The following PRKCA variants were observed in gnomAD, a reference collection of about 807,000 sequenced individuals.
PRKCA encodes the protein protein kinase C alpha.
A neutral mutation model predicts 87.0 loss-of-function variants in PRKCA; 27 were observed. The observed-to-expected ratio is 0.31, with a 90% CI of 0.23 to 0.43. The LOEUF is 0.43. Among genes scored for constraint, PRKCA ranks in the 20% least tolerant of loss-of-function variants. The pLI, the probability that PRKCA is intolerant of heterozygous loss-of-function variation, is 1.00. For synonymous variants in PRKCA, 329 were observed against 311.1 expected (o/e 1.06, Z -0.61); for missense variants, 518 against 852.3 (o/e 0.61, Z 4.88).
At chr17:66,488,956 C>A (rs1268221427) in intron 2 of PRKCA, among the ~76,000 whole-genome samples, 1 of 152,158 alleles carries the variant, frequency 6.6e-6, no homozygotes. Flanking sequence ...ACTTTCCCTA[C>A]AAAGCTGAAA....
intron 2 of PRKCA, among the ~76,000 whole-genome samples, chr17:66,454,701 C>T (rs562799477): frequency 1.1e-4 from 16 of 152,298 alleles, no homozygotes; most frequent in African/African-American, 3.4e-4. Context: ...TTCACTACTA[C>T]GAGAACAGTC....
intron 2 of PRKCA, among the ~76,000 whole-genome samples, chr17:66,342,437 AAATAAATAATAATAAT>A (rs923137556): frequency 1.8e-5 from 2 of 109,898 alleles, no homozygotes; most frequent in African/African-American, 3.6e-5. Context: ...AAATAAAATA[AAATAAATAATAATAAT>A]AATAATAATA....
intron 3 of PRKCA, among the ~76,000 whole-genome samples, chr17:66,567,916 A>G (rs967380831): frequency 6.6e-6 from 1 of 152,258 alleles, no homozygotes; most frequent in Non-Finnish European, 1.5e-5. Flanking sequence ...GGGAAGAGAG[A>G]TAATGTACAA....
At chr17:66,582,883 C>T (rs1033973668) in intron 3 of PRKCA, among the ~76,000 whole-genome samples, 12 of 152,114 alleles carry the variant, frequency 7.9e-5, no homozygotes, top group African/African-American at 2.2e-4. Context: ...TGAGTGTGAG[C>T]CCCGTGTGAC....
In PRKCA at chr17:66,806,095, A is replaced by G. The variant is rs985138552; in HGVS notation, c.*2058A>G. The G allele has an allele frequency of 6.6e-6, 1 of 152,296 alleles. No individual in the cohort carries two copies. The highest frequency in any genetic ancestry group is 1.9e-4 in the East Asian group (1 of 5,186). 9.4% of individuals were successfully genotyped at this position (152,296 alleles called of 1,614,324 possible). A position where few individuals can be genotyped will look rare whatever the true frequency, so the allele number is the denominator to read the frequency against. Reference sequence around the variant, plus strand: ...CGCGCTGCTTTGGTGAGACACCCCCATGCAAGGTCCTCAGAGTAGCCGGGT... The same window carrying G: ...CGCGCTGCTTTGGTGAGACACCCCCGTGCAAGGTCCTCAGAGTAGCCGGGT... On this transcript the variant is annotated 3_prime_UTR_variant, in exon 17 of 17. Coordinates refer to ENST00000413366, the MANE Select transcript of PRKCA (RefSeq NM_002737.3).
intron 2 of PRKCA, among the ~76,000 whole-genome samples, chr17:66,434,381 C>T (rs1261046614): frequency 6.6e-6 from 1 of 151,866 alleles, no homozygotes; most frequent in Non-Finnish European, 1.5e-5. Flanking sequence ...CTAAGAGGGA[C>T]CTGAATGAAA....
At chr17:66,570,287 G>T (rs904006180) in intron 3 of PRKCA, among the ~76,000 whole-genome samples, 9 of 152,148 alleles carry the variant, frequency 5.9e-5, no homozygotes, top group South Asian at 2.1e-4. Flanking sequence ...GACGATGGAC[G>T]GGTTTGTGGA....
At chr17:66,540,010 T>G (rs1967924703) in intron 3 of PRKCA, among the ~76,000 whole-genome samples, 1 of 152,152 alleles carries the variant, frequency 6.6e-6, no homozygotes, top group Admixed American at 6.5e-5. Flanking sequence ...TTTAAACATG[T>G]AGGCCACCCG....
At chr17:66,681,652 G>A (rs1972497885) in intron 5 of PRKCA, among the ~76,000 whole-genome samples, 3 of 152,158 alleles carry the variant, frequency 2.0e-5, no homozygotes, top group African/African-American at 7.2e-5. Context: ...AATAAACTGC[G>A]AAGTTGGGTA....
intron 5 of PRKCA, among the ~76,000 whole-genome samples, 169 bp downstream of exon 5, chr17:66,645,680 G>C (rs933225562): frequency 6.6e-6 from 1 of 152,118 alleles, no homozygotes; most frequent in African/African-American, 2.4e-5. Context: ...CTGAGCCCTC[G>C]GGTTAATACA....
At chr17:66,779,223 G>A (rs1444892511) in intron 14 of PRKCA, among the ~76,000 whole-genome samples, 1 of 152,202 alleles carries the variant, frequency 6.6e-6, no homozygotes, top group Non-Finnish European at 1.5e-5. Flanking sequence ...CTGAAGATGA[G>A]CAGGAAAAAA....
intron 3 of PRKCA, among the ~76,000 whole-genome samples, chr17:66,537,829 G>A (rs531520795): frequency 1.4e-3 from 217 of 152,210 alleles, no homozygotes; most frequent in African/African-American, 4.8e-3. Flanking sequence ...TTTGGGAGAT[G>A]GAGTCTTGCT....
chr17:66,612,270 A>G (rs1361127774), intron 3 of PRKCA, among the ~76,000 whole-genome samples: 1 of 149,050 alleles, frequency 6.7e-6, no homozygotes, highest in East Asian at 2.1e-4. Flanking sequence ...AATCCCAGCT[A>G]TTTGGGAGGC....
At chr17:66,361,417 TTC>T (rs1158642709) in intron 2 of PRKCA, among the ~76,000 whole-genome samples, 1 of 151,966 alleles carries the variant, frequency 6.6e-6, no homozygotes. Context: ...GTTCAAGCAA[TTC>T]TCCTGCCTCA....
Position 66,707,311 on chromosome 17 carries a change from C to T in PRKCA, c.918+18264C>T, listed in dbSNP as rs545151077. On this transcript the variant is annotated intron_variant, in intron 8 of 16. Transcript: ENST00000413366. Reference sequence around the variant, plus strand: ...CAGACACACCTGTAAGATGTGTCACCTTCCTGATTCCAGAGTAAGAACCTC... The same window carrying T: ...CAGACACACCTGTAAGATGTGTCACTTTCCTGATTCCAGAGTAAGAACCTC... Among the ~76,000 whole-genome samples the T allele has an allele frequency of 5.3e-5, 8 of 152,336 alleles. No individual in the cohort carries two copies. The South Asian group carries it at 1.4e-3, about 28-fold the overall frequency.
At chr17:66,441,016 G>T (rs1913712641) in intron 2 of PRKCA, among the ~76,000 whole-genome samples, 1 of 151,792 alleles carries the variant, frequency 6.6e-6, no homozygotes, top group African/African-American at 2.4e-5. Context: ...CAAAAAATTA[G>T]CCGGGCGTGG....
chr17:66,676,039 T>G (rs1390964322), intron 5 of PRKCA, among the ~76,000 whole-genome samples: 1 of 152,128 alleles, frequency 6.6e-6, no homozygotes, highest in African/African-American at 2.4e-5. Context: ...AGGCAATCTG[T>G]CACTCCACCA....
At chr17:66,429,861 T>C (rs889020053) in intron 2 of PRKCA, among the ~76,000 whole-genome samples, 1 of 152,182 alleles carries the variant, frequency 6.6e-6, no homozygotes, top group Non-Finnish European at 1.5e-5. Context: ...TGTAGTTCTC[T>C]GATTGCTTTA....
At chr17:66,606,593 A>C in intron 3 of PRKCA, among the ~76,000 whole-genome samples, 1 of 152,202 alleles carries the variant, frequency 6.6e-6, no homozygotes, top group Middle Eastern at 3.2e-3. Flanking sequence ...AAAGATATTA[A>C]AATTAGAAAA....
Sources: allele counts gnomAD v4.1 joint callset (sites outside exome capture counted in the v4.1 genomes callset), GRCh38; gene constraint gnomAD v4.1.1; transcripts MANE v1.5; gene names NCBI Gene and HGNC (gene_info 2026-07-23, HGNC 2026-07-21).